Variants in OTX2 observed in about 807,000 individuals in gnomAD.
OTX2 encodes homeobox protein OTX2.
A neutral mutation model predicts 29.0 loss-of-function variants in OTX2; 4 were observed. The observed-to-expected ratio is 0.14, with a 90% confidence interval of 0.07 to 0.32. OTX2 has a LOEUF of 0.32. Ranked by LOEUF, OTX2 falls within the 10% of genes least tolerant of loss-of-function variation. The pLI is 1.00. For synonymous variants in OTX2, 134 were observed against 141.0 expected, an observed-to-expected ratio of 0.95 and a Z score of 0.35; for missense variants, 298 against 365.9, an observed-to-expected ratio of 0.81 and a Z score of 1.51.
intron 4 of OTX2, among the ~76,000 whole-genome samples, chr14:56,803,041 C>G (rs947960356): frequency 1.3e-5 from 2 of 152,216 alleles, no homozygotes; most frequent in Non-Finnish European, 2.9e-5. Context: ...GGACTCGAGT[C>G]TGTGTTGTTA....
At chr14:56,810,266 C>T (rs1334418804) in intron 1 of OTX2, 44 bp from the exon 2 acceptor site, 1 of 152,160 alleles carries the variant, frequency 6.6e-6, no homozygotes, top group Non-Finnish European at 1.5e-5. Flanking sequence ...TTGCAGTCTT[C>T]ACCCTTCCAT....
intron 2 of OTX2, among the ~76,000 whole-genome samples, chr14:56,808,308 G>T (rs986263075): frequency 6.6e-6 from 1 of 152,178 alleles, no homozygotes; most frequent in African/African-American, 2.4e-5. Flanking sequence ...TTAATTTTCT[G>T]CATGATGGAA....
chr14:56,808,800 GCA>G (rs1892177604), intron 2 of OTX2, among the ~76,000 whole-genome samples: 3 of 152,308 alleles, frequency 2.0e-5, no homozygotes, highest in Admixed American at 2.0e-4. Flanking sequence ...CGCTCCCCGC[GCA>G]CCAGTTCTAT....
rs969364770 is a variant in OTX2, at chr14:56,802,773, G to T, written c.274-418C>A. On this transcript the variant is annotated intron_variant, in intron 4 of 4. Transcript: ENST00000672264. The surrounding 1 kb of genome is among the most constrained non-coding windows in gnomAD (Gnocchi z 4.4). ...AGAAGTGAGAGAAAGCAATTCTGTTGTTACAGGCTAACAGGAACAGCCTAA... is the reference window on the plus strand; with the variant it reads ...AGAAGTGAGAGAAAGCAATTCTGTTTTTACAGGCTAACAGGAACAGCCTAA... Among the ~76,000 whole-genome samples the T allele has an allele frequency of 6.6e-6, 1 of 152,134 alleles. No individual in the cohort carries two copies. The highest frequency in any genetic ancestry group is 1.5e-5 in the Non-Finnish European group (1 of 68,014).
chr14:56,809,615 C>T lies in OTX2; in HGVS notation c.-120+544G>A, dbSNP rs112403591. ...GGGCCGACAGGGGCTCGAGCGGCGG[C>T]CCCCGGCCCAGGCCGACCCGCAAGC... On this transcript the variant is annotated intron_variant, in intron 2 of 4. Transcript: ENST00000672264. Among the ~76,000 whole-genome samples the T allele has an allele frequency of 1.9e-3, 286 of 152,170 alleles. 2 individuals carry two copies. Among genetic ancestry groups the T allele is most frequent in the Non-Finnish European group, 3.1e-3 (211 of 67,968 alleles).
chr14:56,801,560 C>T lies in OTX2; in HGVS notation c.*175G>A, dbSNP rs1477169612. On this transcript the variant is annotated 3_prime_UTR_variant, in exon 5 of 5. Transcript: ENST00000672264. This position sits in a 1 kb window ranked among gnomAD's most constrained non-coding sequence, Gnocchi z 4.2. ...AGATTGGTTTGTCCATTTCATGTTGCTGGTTTGTAGGCCCCTCTAAGGCCC... is the reference window on the plus strand; with the variant it reads ...AGATTGGTTTGTCCATTTCATGTTGTTGGTTTGTAGGCCCCTCTAAGGCCC... The T allele has an allele frequency of 1.7e-5, 11 of 656,664 alleles. No homozygotes were observed. The highest frequency in any genetic ancestry group is 2.9e-5 in the Non-Finnish European group (11 of 376,610). 40.7% of individuals were successfully genotyped at this position (656,664 alleles called of 1,614,324 possible).
At position 56,810,409 on chromosome 14, in the gene OTX2, A is replaced by C. The variant is rs1286733573; in HGVS notation, c.-217T>G. 2 of 152,200 alleles carry C rather than the reference A, an allele frequency of 1.3e-5. No individual in the cohort carries two copies. The highest frequency in any genetic ancestry group is 2.9e-5 in the Non-Finnish European group (2 of 68,046). The allele number at this position is 152,200 out of a possible 1,614,324, so 9.4% of individuals were successfully genotyped here. On this transcript the variant is annotated 5_prime_UTR_variant, in exon 1 of 5. It adds an upstream start codon to the 5' untranslated region. Transcript: ENST00000672264. ...TGTGGCGAGTGAGGGCTGCTCTAGC[A>C]ATTTTTATTTTTAATCACAGTGGAG...
At chr14:56,808,525 G>A (rs1892167096) in intron 2 of OTX2, among the ~76,000 whole-genome samples, 1 of 152,156 alleles carries the variant, frequency 6.6e-6, no homozygotes, top group Admixed American at 6.5e-5. Context: ...GTGCCAAAAG[G>A]GTTGGCCTTG....
chr14:56,804,440 G>A lies in OTX2; in HGVS notation c.98-77C>T. 1.5e-6 allele frequency: 2 copies of A among 1,359,938 alleles called. No homozygotes were observed. The highest frequency in any genetic ancestry group is 2.1e-5 in the Admixed American group (1 of 47,850). The allele number at this position is 1,359,938 out of a possible 1,614,324, so 84.2% of individuals were successfully genotyped here. ...CGACGCCCCTGCCCTCCACCCCGCA[G>A]CAGTCCCCCGTTCCTCACAGCCCTT... On this transcript the variant is annotated intron_variant, in intron 3 of 4. Transcript: ENST00000672264. The surrounding 1 kb of genome is among the most constrained non-coding windows in gnomAD (Gnocchi z 4.1).
intron 2 of OTX2, among the ~76,000 whole-genome samples, chr14:56,808,392 A>G (rs754349993): frequency 6.6e-5 from 10 of 152,142 alleles, no homozygotes; most frequent in Non-Finnish European, 1.5e-4. Flanking sequence ...AGAAAGAAAA[A>G]GGAGACGTGT....
intron 2 of OTX2, among the ~76,000 whole-genome samples, chr14:56,808,519 C>A (rs1892166871): frequency 6.6e-6 from 1 of 152,146 alleles, no homozygotes; most frequent in African/African-American, 2.4e-5. Flanking sequence ...AGAAACGTGC[C>A]AAAAGGGTTG....
chr14:56,802,340 G>T lies in OTX2; in HGVS notation c.289C>A (p.Arg97=). The T allele has an allele frequency of 6.2e-7, 1 of 1,614,102 alleles. No individual in the cohort carries two copies. Among genetic ancestry groups the T allele is most frequent in the South Asian group, 1.1e-5 (1 of 91,070 alleles). The change falls in exon 5 of 5, where the codon CGA becomes AGA. Residue 97 remains arginine (R), a synonymous_variant. Coordinates refer to ENST00000672264, the MANE Select transcript of OTX2 (RefSeq NM_021728.4). This position sits in a 1 kb window ranked among gnomAD's most constrained non-coding sequence, Gnocchi z 4.4. ...ESRVQVWFKN[R]RAKCRQQQQQ... ...TGTTGTTGGCGGCACTTAGCTCTTC[G>T]ATTCTTAAACCATACCTTGGAAGGG...
Position 56,804,596 on chromosome 14 carries a change from A to G in OTX2, c.98-233T>C, listed in dbSNP as rs557555216. Among the ~76,000 whole-genome samples, 1 of 152,318 alleles carries G rather than the reference A, an allele frequency of 6.6e-6. No homozygotes were observed. The highest frequency in any genetic ancestry group is 2.4e-5 in the African/African-American group (1 of 41,576). ...GCTCCAATCAGAGCATCACTTGGAAAGTTAACAAATGAAACATTTTTTAAA... is the reference window on the plus strand; with the variant it reads ...GCTCCAATCAGAGCATCACTTGGAAGGTTAACAAATGAAACATTTTTTAAA... On this transcript the variant is annotated intron_variant, in intron 3 of 4. Transcript: ENST00000672264. This position sits in a 1 kb window ranked among gnomAD's most constrained non-coding sequence, Gnocchi z 4.1.
chr14:56,801,508 A>T lies in OTX2; in HGVS notation c.*227T>A, dbSNP rs1026840321. The T allele has an allele frequency of 3.1e-5, 18 of 586,498 alleles. No homozygotes were observed. The highest frequency in any genetic ancestry group is 3.0e-4 in the African/African-American group (16 of 53,756). The allele number at this position is 586,498 out of a possible 1,614,324, so 36.3% of individuals were successfully genotyped here. ...ACTTTGCAAATCAGGATAACCAATG[A>T]TCTAAAACTATGACAGGATCTTAAG... is the stretch of plus-strand genomic sequence containing the variant. On this transcript the variant is annotated 3_prime_UTR_variant, in exon 5 of 5. Coordinates refer to ENST00000672264, the MANE Select transcript of OTX2 (RefSeq NM_021728.4). The surrounding 1 kb of genome is among the most constrained non-coding windows in gnomAD (Gnocchi z 4.2).
chr14:56,804,386 C>T lies in OTX2; in HGVS notation c.98-23G>A, dbSNP rs749216899. The T allele has an allele frequency of 2.5e-6, 4 of 1,608,418 alleles. No homozygotes were observed. The highest frequency in any genetic ancestry group is 3.4e-6 in the Non-Finnish European group (4 of 1,176,982). On this transcript the variant is annotated intron_variant, in intron 3 of 4. Transcript: ENST00000672264. This position sits in a 1 kb window ranked among gnomAD's most constrained non-coding sequence, Gnocchi z 4.1. ...GCCCTTTAGGGTGGGGGAGCAGTTT[C>T]TCAGTCATAGGCGTTTCCGCGGGTT...
intron 2 of OTX2, among the ~76,000 whole-genome samples, chr14:56,809,560 T>G (rs1892206143): frequency 6.6e-6 from 1 of 152,156 alleles, no homozygotes; most frequent in Non-Finnish European, 1.5e-5. Flanking sequence ...TCCTCGGTTA[T>G]CCGCTCCGGT....
chr14:56,807,701 A>G (rs1000379009), intron 2 of OTX2, among the ~76,000 whole-genome samples: 3 of 152,214 alleles, frequency 2.0e-5, no homozygotes, highest in Admixed American at 6.5e-5. Context: ...AAACTAAGAG[A>G]TTCTCTCCAC....
intron 2 of OTX2, 200 bp from the exon 3 acceptor site, chr14:56,805,775 C>T (rs1164560642): frequency 4.7e-6 from 1 of 210,600 alleles, no homozygotes; most frequent in Non-Finnish European, 8.2e-6. Flanking sequence ...TGGAAGGAGA[C>T]CAGATAAACC....
At chr14:56,807,071 T>C (rs1426864973) in intron 2 of OTX2, among the ~76,000 whole-genome samples, 1 of 152,196 alleles carries the variant, frequency 6.6e-6, no homozygotes, top group Non-Finnish European at 1.5e-5. Context: ...TCTTTCTGAT[T>C]TAAATTCAGA....
Sources: allele counts gnomAD v4.1 joint callset (sites outside exome capture counted in the v4.1 genomes callset), GRCh38; gene constraint gnomAD v4.1.1; non-coding constraint Gnocchi (gnomAD v3.1); transcripts MANE v1.5; gene names NCBI Gene and HGNC (gene_info 2026-07-23, HGNC 2026-07-21).